DLGAP2: variants seen among roughly 807,000 people sequenced by gnomAD.
DLGAP2 encodes the protein disks large-associated protein 2.
In DLGAP2, 26 loss-of-function variants were observed where a neutral mutation model predicts 100.3. That is an observed-to-expected ratio of 0.26 (90% CI 0.19 to 0.36). The LOEUF (loss-of-function observed/expected upper bound fraction) is 0.36, where lower values mean the gene tolerates loss of function less well. DLGAP2 is among the 10% of genes least tolerant of loss of function. The pLI is 1.00. For synonymous variants in DLGAP2, 886 were observed against 630.1 expected, an observed-to-expected ratio of 1.41 and a Z score of -6.08; for missense variants, 1,858 against 1,453.2, an observed-to-expected ratio of 1.28 and a Z score of -4.53.
chr8:1,677,238 A>T (rs1219484831), intron 11 of DLGAP2, among the ~76,000 whole-genome samples: 6 of 152,182 alleles, frequency 3.9e-5, no homozygotes, highest in Admixed American at 1.3e-4. Flanking sequence ...GCGTTTTAGC[A>T]CCCACCCTAT....
At chr8:1,509,644 A>G (rs1392048658) in intron 4 of DLGAP2, among the ~76,000 whole-genome samples, 5 of 151,898 alleles carry the variant, frequency 3.3e-5, no homozygotes, top group African/African-American at 7.3e-5. Flanking sequence ...CCGCACATAC[A>G]CTGGAACTTG....
intron 6 of DLGAP2, among the ~76,000 whole-genome samples, chr8:1,576,698 C>A (rs912944748): frequency 1.3e-5 from 2 of 152,070 alleles, no homozygotes; most frequent in African/African-American, 4.8e-5. Flanking sequence ...GCCAGTTTTC[C>A]CAGCACCATT....
intron 2 of DLGAP2, among the ~76,000 whole-genome samples, chr8:1,205,173 C>T (rs978821265): frequency 6.6e-6 from 1 of 152,154 alleles, no homozygotes; most frequent in African/African-American, 2.4e-5. Context: ...TTTTTCCTCT[C>T]CTAAGAGAAA....
intron 2 of DLGAP2, among the ~76,000 whole-genome samples, chr8:1,233,470 C>A (rs540999723): frequency 6.6e-6 from 1 of 152,140 alleles, no homozygotes; most frequent in Non-Finnish European, 1.5e-5. Context: ...GGTTGGCTAA[C>A]GGGGCTAATC....
intron 5 of DLGAP2, among the ~76,000 whole-genome samples, chr8:1,565,050 A>C (rs1371508321): frequency 6.9e-6 from 1 of 145,580 alleles, no homozygotes; most frequent in Non-Finnish European, 1.5e-5. Flanking sequence ...ACAGGTGATC[A>C]GCTCTGTACC....
At chr8:961,989 C>A (rs1799735637) in intron 2 of DLGAP2, among the ~76,000 whole-genome samples, 1 of 152,114 alleles carries the variant, frequency 6.6e-6, no homozygotes, top group Non-Finnish European at 1.5e-5. Flanking sequence ...GTGTGGCCAT[C>A]CACACAGAGA....
Position 1,707,212 on chromosome 8 carries a change from T to A in DLGAP2, c.*5806T>A, listed in dbSNP as rs1799731637. ...AGCCTTGGGCATCCAAGCTTTCACC[T>A]ACTCAATGGAGGAGAGGTGATAATG... On this transcript the variant is annotated 3_prime_UTR_variant, in exon 15 of 15. Coordinates refer to ENST00000637795, the MANE Select transcript of DLGAP2 (RefSeq NM_001346810.2). The A allele has an allele frequency of 6.6e-6, 1 of 152,652 alleles. No homozygotes were observed. The highest frequency in any genetic ancestry group is 2.1e-4 in the South Asian group (1 of 4,830). 9.5% of individuals were successfully genotyped at this position (152,652 alleles called of 1,614,324 possible).
intron 3 of DLGAP2, among the ~76,000 whole-genome samples, chr8:1,483,852 C>T (rs1012419703): frequency 6.6e-6 from 1 of 152,212 alleles, no homozygotes; most frequent in African/African-American, 2.4e-5. Flanking sequence ...CTGTGGTTTG[C>T]TCACAATTGT....
intron 3 of DLGAP2, among the ~76,000 whole-genome samples, chr8:1,491,341 G>GGAGGCTTCGGGCCGCTCCCCCTGACCCCA (rs56062738): frequency 0.5 from 73,387 of 146,602 alleles, 20,637 homozygotes; most frequent in Admixed American, 0.64. Flanking sequence ...TCCTGACCCC[G>GGAGGCTTCGGGCCGCTCCCCCTGACCCCA]GAGGCTTCGG....
At chr8:1,144,339 A>C (rs1014293137) in intron 2 of DLGAP2, among the ~76,000 whole-genome samples, 1 of 152,254 alleles carries the variant, frequency 6.6e-6, no homozygotes, top group Non-Finnish European at 1.5e-5. Context: ...TTTATGGGCC[A>C]GGGAGGCCAC....
rs971697140 is a variant in DLGAP2, at chr8:737,686, ACGGACGGACGGACCG to A, written c.-111_-97del. 1.7e-5 allele frequency: 6 copies of A among 362,190 alleles called. No individual in the cohort carries two copies. Among genetic ancestry groups the A allele is most frequent in the Non-Finnish European group, 3.0e-5 (6 of 202,752 alleles). 22.4% of individuals were successfully genotyped at this position (362,190 alleles called of 1,614,324 possible). A position where few individuals can be genotyped will look rare whatever the true frequency, so the allele number is the denominator to read the frequency against. ...GAGCGCGCGGCGCCTGCGGCGGCGA[ACGGACGGACGGACCG>A]CGGACGGACGTACTGACCCCAACCC... On this transcript the variant is annotated 5_prime_UTR_variant, in exon 1 of 15. Coordinates refer to ENST00000637795, the MANE Select transcript of DLGAP2 (RefSeq NM_001346810.2).
intron 1 of DLGAP2, among the ~76,000 whole-genome samples, chr8:800,196 C>G (rs1338234261): frequency 6.6e-6 from 1 of 152,192 alleles, no homozygotes; most frequent in Non-Finnish European, 1.5e-5. Context: ...TCCTGCCAGG[C>G]TCCAGGCCTG....
At chr8:1,343,582 C>G (rs1332360024) in intron 3 of DLGAP2, among the ~76,000 whole-genome samples, 1 of 152,208 alleles carries the variant, frequency 6.6e-6, no homozygotes, top group East Asian at 1.9e-4. Flanking sequence ...CTGGTCAAAA[C>G]CAGAACTTTC....
chr8:1,512,544 C>T (rs1800203424), intron 4 of DLGAP2, among the ~76,000 whole-genome samples: 1 of 152,084 alleles, frequency 6.6e-6, no homozygotes, highest in African/African-American at 2.4e-5. Context: ...GTGACTGACG[C>T]ACTCCCCCGA....
intron 6 of DLGAP2, among the ~76,000 whole-genome samples, chr8:1,585,951 C>A (rs1199240033): frequency 6.6e-6 from 1 of 152,240 alleles, no homozygotes; most frequent in African/African-American, 2.4e-5. Flanking sequence ...AAAATATACA[C>A]ATATGGGCGT....
chr8:1,030,334 T>C (rs1249409474), intron 2 of DLGAP2, among the ~76,000 whole-genome samples: 3 of 152,218 alleles, frequency 2.0e-5, no homozygotes, highest in Admixed American at 6.5e-5. Context: ...TGAAACTCTT[T>C]GTGTATTTTT....
intron 2 of DLGAP2, among the ~76,000 whole-genome samples, chr8:1,221,744 G>T (rs191938930): frequency 1.3e-5 from 2 of 152,248 alleles, no homozygotes; most frequent in South Asian, 4.1e-4. Context: ...GCGAGTCATA[G>T]GTTTGCTCTC....
At chr8:1,594,637 T>G (rs1278390776) in intron 6 of DLGAP2, among the ~76,000 whole-genome samples, 1 of 152,168 alleles carries the variant, frequency 6.6e-6, no homozygotes, top group Admixed American at 6.5e-5. Context: ...TTGGCCAGGC[T>G]GATCCTGAAC....
At chr8:1,306,272 T>G (rs1800489076) in intron 3 of DLGAP2, among the ~76,000 whole-genome samples, 1 of 151,836 alleles carries the variant, frequency 6.6e-6, no homozygotes, top group African/African-American at 2.4e-5. Context: ...CACACAAAAA[T>G]CACTAGTGTT....
Sources: gnomAD v4.1 joint callset for allele counts (sites outside exome capture counted in the v4.1 genomes callset) on GRCh38, gnomAD v4.1.1 for gene constraint, MANE v1.5 for transcripts, NCBI Gene and HGNC (gene_info 2026-07-23, HGNC 2026-07-21) for gene names.